Variants in USP34 observed in about 807,000 individuals in gnomAD.
The protein encoded by USP34 is ubiquitin specific peptidase 34.
In USP34, 70 loss-of-function variants were observed where a neutral mutation model predicts 460.3. The ratio of observed to expected loss-of-function variants is 0.15; its 90% confidence interval spans 0.13 to 0.19. The LOEUF is 0.19. Ranked by LOEUF, USP34 falls within the 10% of genes least tolerant of loss-of-function variation. The pLI is 1.00. For missense variants in USP34, 3,985 were observed against 4,236.2 expected (o/e 0.94, Z 1.65); for synonymous variants, 1,647 against 1,405.3 (o/e 1.17, Z -3.85).
intron 31 of USP34, 66 bp from the exon 32 acceptor site, chr2:61,295,098 A>G (rs1212401950): frequency 1.9e-5 from 30 of 1,598,492 alleles, no homozygotes; most frequent in Non-Finnish European, 2.3e-5. Flanking sequence ...AATGGAAAAG[A>G]CAATACATTA....
rs72815504 is a variant in USP34 at position 61,400,461 on chromosome 2, C to A, written c.553-5228G>T. On this transcript the variant is annotated intron_variant, in intron 3 of 79. Transcript: ENST00000398571. Reference sequence around the variant, plus strand: ...AGAAAATGCTGCTCCATGATCAAACCATGAAGAACTCAATGTCTCAAAATT... The same window carrying A: ...AGAAAATGCTGCTCCATGATCAAACAATGAAGAACTCAATGTCTCAAAATT... Among the ~76,000 whole-genome samples, 558 of 152,244 alleles carry A rather than the reference C, an allele frequency of 3.7e-3. 5 individuals carry two copies. The highest frequency in any genetic ancestry group is 8.0e-3 in the Admixed American group (122 of 15,276).
At position 61,350,401 on chromosome 2, in the gene USP34, A is replaced by T. The variant is rs758826840; in HGVS notation, c.1378-12T>A. The T allele has an allele frequency of 6.3e-7, 1 of 1,597,784 alleles. No homozygotes were observed. Among genetic ancestry groups the T allele is most frequent in the Non-Finnish European group, 8.5e-7 (1 of 1,173,914 alleles). On this transcript the variant is annotated splice_polypyrimidine_tract_variant and intron_variant, in intron 11 of 79. Transcript: ENST00000398571. ...GCCAAGTACAGTGTCTAAAAAAAAG[A>T]GGGAGAGATTTCAGTTTGAGAATTC...
intron 5 of USP34, among the ~76,000 whole-genome samples, chr2:61,389,877 C>T (rs1693289638): frequency 1.3e-5 from 2 of 151,944 alleles, no homozygotes; most frequent in South Asian, 4.1e-4. Context: ...AAAAAAAGTT[C>T]CTTGCTCCCT....
In USP34 at chr2:61,227,089, C is replaced by T; in HGVS notation, c.7573G>A (p.Val2525Ile). 1.2e-6 allele frequency: 2 copies of T among 1,611,816 alleles called. No homozygotes were observed. Among genetic ancestry groups the T allele is most frequent in the Non-Finnish European group, 1.7e-6 (2 of 1,179,514 alleles). ...EKMIALVALL[V>I]EQSRSERHLT... ...CACCTTTCTGATCGAGACTGTTCAACCAAAAGAGCAACTAAAGCTATCATC... is the reference window on the plus strand; with the variant it reads ...CACCTTTCTGATCGAGACTGTTCAATCAAAAGAGCAACTAAAGCTATCATC... Residue 2525 changes from valine to isoleucine, a missense_variant, in exon 62 of 80, where the codon GTT (valine) becomes ATT (isoleucine). By Grantham distance (29) the Val-to-Ile change is conservative. Transcript: ENST00000398571.
At chr2:61,452,318 CTTTTTTT>C (rs35104375) in intron 1 of USP34, among the ~76,000 whole-genome samples, 10 of 89,910 alleles carry the variant, frequency 1.1e-4, no homozygotes, top group Non-Finnish European at 1.5e-4. Context: ...ATTCCCGGCA[CTTTTTTT>C]TTTTTTTTTT....
At chr2:61,406,692 T>C (rs922149363) in intron 2 of USP34, among the ~76,000 whole-genome samples, 21 of 133,186 alleles carry the variant, frequency 1.6e-4, no homozygotes, top group African/African-American at 5.7e-4. Flanking sequence ...AAAAAAAATA[T>C]ATGTGTATTT....
chr2:61,241,072 T>C (rs1688242613), intron 53 of USP34, among the ~76,000 whole-genome samples: 1 of 151,892 alleles, frequency 6.6e-6, no homozygotes, highest in South Asian at 2.1e-4. Flanking sequence ...TGAGATGGAG[T>C]CTTGCTCTGT....
At position 61,253,738 on chromosome 2, in the gene USP34, C is replaced by CTTT. The variant is rs773120038; in HGVS notation, c.6221+2643_6221+2645dup. 2.1e-5 allele frequency among the ~76,000 whole-genome samples: 3 copies of CTTT among 142,222 alleles called. No homozygotes were observed. The South Asian group carries it at 6.6e-4, about 31-fold the overall frequency. 93.3% of individuals were successfully genotyped at this position (142,222 alleles called of 152,430 possible). A position where few individuals can be genotyped will look rare whatever the true frequency, so the allele number is the denominator to read the frequency against. ...ACTATTTTCCTTGCTGTTTTTATTGCTTTTTTTTTTTTTTGAGACATAGTC... is the reference window on the plus strand; with the variant it reads ...ACTATTTTCCTTGCTGTTTTTATTGCTTTTTTTTTTTTTTTTTGAGACATAGTC... On this transcript the variant is annotated intron_variant, in intron 48 of 79. Transcript: ENST00000398571.
Position 61,331,269 on chromosome 2 carries a change from T to C in USP34, c.2930+7A>G. On this transcript the variant is annotated splice_region_variant and intron_variant, in intron 20 of 79. Coordinates refer to ENST00000398571, the MANE Select transcript of USP34 (RefSeq NM_014709.4). ...AAATGTATTTAACCCAGTTGAGAGG[T>C]ACTTACAGTGCATGTTTTTGTCTTC... is the stretch of plus-strand genomic sequence containing the variant. 1 of 1,606,838 alleles carries C rather than the reference T, an allele frequency of 6.2e-7. No homozygotes were observed. Among genetic ancestry groups the C allele is most frequent in the Non-Finnish European group, 8.5e-7 (1 of 1,174,994 alleles).
chr2:61,314,461 C>T, intron 25 of USP34, 124 bp downstream of exon 25: 1 of 862,018 alleles, frequency 1.2e-6, no homozygotes, highest in Non-Finnish European at 1.6e-6. Flanking sequence ...TGATCCTTCA[C>T]TTTGGTAAAT....
In USP34 at chr2:61,470,772, CGGA is replaced by C; in HGVS notation, c.-83_-81del. On this transcript the variant is annotated 5_prime_UTR_variant, in exon 1 of 80. Coordinates refer to ENST00000398571, the MANE Select transcript of USP34 (RefSeq NM_014709.4). ...ACCGGCGGGGGGGAGGGGAGAGAGG[CGGA>C]GGAGGGGGCCGGCCGGCCGGCGGGG... 1.9e-6 allele frequency: 2 copies of C among 1,027,018 alleles called. No homozygotes were observed. The highest frequency in any genetic ancestry group is 1.3e-6 in the Non-Finnish European group (1 of 762,198). The allele number at this position is 1,027,018 out of a possible 1,614,324, so 63.6% of individuals were successfully genotyped here.
At chr2:61,425,727 G>A (rs1417989573) in intron 1 of USP34, among the ~76,000 whole-genome samples, 1 of 152,074 alleles carries the variant, frequency 6.6e-6, no homozygotes, top group East Asian at 1.9e-4. Flanking sequence ...AATGAACTGG[G>A]CACCAAGACA....
chr2:61,329,184 C>T (rs809011), intron 20 of USP34, among the ~76,000 whole-genome samples: 1 of 150,768 alleles, frequency 6.6e-6, no homozygotes, highest in Admixed American at 6.6e-5. Context: ...ACCACGCCTG[C>T]CTTTTTTTTT....
intron 3 of USP34, among the ~76,000 whole-genome samples, chr2:61,398,081 G>T (rs1166645024): frequency 6.6e-6 from 1 of 151,664 alleles, no homozygotes; most frequent in Non-Finnish European, 1.5e-5. Flanking sequence ...CAAAAAAAAA[G>T]ATTGCTTTTA....
chr2:61,359,779 G>GC (rs1692217594), intron 10 of USP34, among the ~76,000 whole-genome samples: 1 of 86,854 alleles, frequency 1.2e-5, no homozygotes, highest in Admixed American at 1.5e-4. Flanking sequence ...GCCCACAGTT[G>GC]TTTTTTTTTT....
At chr2:61,221,227 CT>C (rs2103809296) in intron 66 of USP34, among the ~76,000 whole-genome samples, 1 of 152,266 alleles carries the variant, frequency 6.6e-6, no homozygotes, top group South Asian at 2.1e-4. Context: ...CTTGAAAACA[CT>C]TGGTTTGTAT....
intron 20 of USP34, 104 bp downstream of exon 20, chr2:61,331,172 T>C: frequency 1.1e-6 from 1 of 951,122 alleles, no homozygotes; most frequent in Non-Finnish European, 1.5e-6. Context: ...AAGTTTTCTG[T>C]TACAATTACT....
intron 5 of USP34, 50 bp downstream of exon 5, chr2:61,394,803 T>C: frequency 2.2e-6 from 3 of 1,349,270 alleles, no homozygotes; most frequent in Non-Finnish European, 2.9e-6. Context: ...ATGTTACTGA[T>C]ATGCTAGACA....
chr2:61,270,914 T>C (rs1348675241), intron 41 of USP34, among the ~76,000 whole-genome samples: 1 of 152,210 alleles, frequency 6.6e-6, no homozygotes, highest in Admixed American at 6.5e-5. Context: ...TGCTTTCCTA[T>C]GACTTAATTT....
Sources: gnomAD v4.1 joint callset for allele counts (sites outside exome capture counted in the v4.1 genomes callset) on GRCh38, gnomAD v4.1.1 for gene constraint, MANE v1.5 for transcripts, NCBI Gene and HGNC (gene_info 2026-07-23, HGNC 2026-07-21) for gene names.